SAMD4B: variants seen among roughly 807,000 people sequenced by gnomAD.
SAMD4B encodes sterile alpha motif domain containing 4B.
In SAMD4B, 5 loss-of-function variants were observed where a neutral mutation model predicts 74.5. The observed-to-expected ratio is 0.07, with a 90% CI of 0.04 to 0.14. The LOEUF (loss-of-function observed/expected upper bound fraction) is 0.14. Among genes scored for constraint, SAMD4B ranks in the 10% least tolerant of loss-of-function variants. The pLI, the probability that SAMD4B is intolerant of heterozygous loss-of-function variation, is 1.00. For synonymous variants in SAMD4B, 373 were observed against 374.9 expected, an observed-to-expected ratio of 1.00 and a Z score of 0.06; for missense variants, 608 against 921.8, an observed-to-expected ratio of 0.66 and a Z score of 4.41.
intron 4 of SAMD4B, among the ~76,000 whole-genome samples, chr19:39,371,959 C>T (rs1216558215): frequency 6.6e-6 from 1 of 152,112 alleles, no homozygotes; most frequent in Non-Finnish European, 1.5e-5. Context: ...GCTACACTAC[C>T]TCCACCAAAA....
chr19:39,347,826 C>T (rs568132564), intron 1 of SAMD4B, among the ~76,000 whole-genome samples: 4 of 152,306 alleles, frequency 2.6e-5, no homozygotes, highest in Non-Finnish European at 4.4e-5. Context: ...CTCCAGCCTG[C>T]ACTCATTCAT....
rs1388549678 is a variant in SAMD4B at position 39,383,073 on chromosome 19, C to A, written c.1973-135C>A. 20 of 734,152 alleles carry A rather than the reference C, an allele frequency of 2.7e-5. No homozygotes were observed. The highest frequency in any genetic ancestry group is 5.0e-5 in the Non-Finnish European group (20 of 402,494). 45.5% of individuals were successfully genotyped at this position (734,152 alleles called of 1,614,324 possible). ...TGACACGCTCGCCTCTCTCCCTGTC[C>A]ACCTCCTCCCGTTCTTCCCTCTCCC... On this transcript the variant is annotated intron_variant, in intron 12 of 13. Transcript: ENST00000610417. The surrounding 1 kb of genome is among the most constrained non-coding windows in gnomAD (Gnocchi z 4.1).
chr19:39,386,578 A>G, downstream of SAMD4B: 2 of 1,613,938 alleles, frequency 1.2e-6, no homozygotes, highest in Non-Finnish European at 1.7e-6. This position sits in a 1 kb window ranked among gnomAD's most constrained non-coding sequence, Gnocchi z 6.1. Flanking sequence ...GCCTCCTGGA[A>G]GCAGCAAGAT....
intron 3 of SAMD4B, among the ~76,000 whole-genome samples, chr19:39,362,047 C>T (rs1050003324): frequency 4.6e-5 from 7 of 152,150 alleles, no homozygotes; most frequent in Non-Finnish European, 8.8e-5. Context: ...CATGTCCCAC[C>T]GAACCAACCT....
At chr19:39,365,154 G>C (rs2076882793) in intron 3 of SAMD4B, among the ~76,000 whole-genome samples, 2 of 151,510 alleles carry the variant, frequency 1.3e-5, no homozygotes, top group Admixed American at 1.3e-4. Flanking sequence ...GCTGAGGCAG[G>C]AGAATGGTGT....
chr19:39,372,570 C>T lies in SAMD4B; in HGVS notation c.667+2445C>T, dbSNP rs534802174. On this transcript the variant is annotated intron_variant, in intron 4 of 13. Coordinates refer to ENST00000610417, the MANE Select transcript of SAMD4B (RefSeq NM_001384574.2). ...CAGGCAGCTTGGGTTTGGGGTGCTG[C>T]CAAGAACAGATCAGGATTTCTTGGA... 9.9e-5 allele frequency among the ~76,000 whole-genome samples: 15 copies of T among 152,180 alleles called. No individual in the cohort carries two copies. The South Asian group carries it at 2.9e-3, about 29-fold the overall frequency.
chr19:39,387,147 C>T (rs1390953426), downstream of SAMD4B: 2 of 434,072 alleles, frequency 4.6e-6, no homozygotes, highest in Admixed American at 2.9e-5. Flanking sequence ...CATAGTATAG[C>T]CTACTACATA....
At chr19:39,373,467 G>C (rs546487952) in intron 4 of SAMD4B, among the ~76,000 whole-genome samples, 2 of 109,960 alleles carry the variant, frequency 1.8e-5, no homozygotes, top group African/African-American at 1.4e-4. Flanking sequence ...GGCTAGTGAG[G>C]AGGGCAGCAA....
rs143881112 is a variant in SAMD4B, at chr19:39,369,899, G to A, written c.441G>A (p.Leu147=). Residue 147 remains leucine, a synonymous_variant, in exon 4 of 14, where the codon CTG becomes CTA. Transcript: ENST00000610417. ...LEDRNALALW[L]SHLEERLASG... Reference sequence around the variant, plus strand: ...ACCGCAACGCACTGGCCCTCTGGCTGAGCCACCTGGAAGAGCGGTTGGCTA... The same window carrying A: ...ACCGCAACGCACTGGCCCTCTGGCTAAGCCACCTGGAAGAGCGGTTGGCTA... 63 of 1,614,246 alleles carry A rather than the reference G, an allele frequency of 3.9e-5. No homozygotes were observed. Among genetic ancestry groups the A allele is most frequent in the Admixed American group, 1.7e-4 (10 of 60,034 alleles).
chr19:39,376,600 C>T (rs1001726745), intron 6 of SAMD4B, 54 bp downstream of exon 6: 4 of 1,582,610 alleles, frequency 2.5e-6, no homozygotes, highest in South Asian at 1.1e-5. Context: ...AGTTTGGCAT[C>T]CTTGCAGCCC....
downstream of SAMD4B, chr19:39,385,965 T>C (rs1453755919): frequency 6.2e-7 from 1 of 1,611,972 alleles, no homozygotes; most frequent in African/African-American, 1.3e-5. Flanking sequence ...TAATGGTGTC[T>C]GAACCAGCCC....
chr19:39,378,595 G>T lies in SAMD4B; in HGVS notation c.1530+6G>T, dbSNP rs755156831. On this transcript the variant is annotated splice_donor_region_variant and intron_variant, in intron 9 of 13. Coordinates refer to ENST00000610417, the MANE Select transcript of SAMD4B (RefSeq NM_001384574.2). This position sits in a 1 kb window ranked among gnomAD's most constrained non-coding sequence, Gnocchi z 4.4. Reference sequence around the variant, plus strand: ...AAAAGTGCCTGACTCATGAGGTAAGGCCTTCCCTAGCATACTCAAAAAGGG... The same window carrying T: ...AAAAGTGCCTGACTCATGAGGTAAGTCCTTCCCTAGCATACTCAAAAAGGG... 2 of 1,613,184 alleles carry T rather than the reference G, an allele frequency of 1.2e-6. No individual in the cohort carries two copies. Among genetic ancestry groups the T allele is most frequent in the Non-Finnish European group, 1.7e-6 (2 of 1,179,304 alleles).
intron 3 of SAMD4B, among the ~76,000 whole-genome samples, chr19:39,364,827 A>G (rs1187170738): frequency 6.6e-6 from 1 of 152,218 alleles, no homozygotes; most frequent in Non-Finnish European, 1.5e-5. Context: ...AGTCGGTTCA[A>G]GTGAAGACAG....
Position 39,375,783 on chromosome 19 carries a change from C to T in SAMD4B, c.801C>T (p.His267=), listed in dbSNP as rs375237719. The change falls in exon 5 of 14, where the codon CAC becomes CAT. Residue 267 remains histidine, a synonymous_variant. Transcript: ENST00000610417. The surrounding 1 kb of genome is among the most constrained non-coding windows in gnomAD (Gnocchi z 4.1). Reference sequence around the variant, plus strand: ...GGGCTGCTTTTACCACGCCCGATCACGCACCTCTCTCGCCCCAGAGCAGCG... The same window carrying T: ...GGGCTGCTTTTACCACGCCCGATCATGCACCTCTCTCGCCCCAGAGCAGCG... ...GARAAFTTPD[H]APLSPQSSVA... 9.9e-5 allele frequency: 159 copies of T among 1,614,036 alleles called. No homozygotes were observed. The highest frequency in any genetic ancestry group is 1.2e-4 in the Non-Finnish European group (146 of 1,180,040).
intron 1 of SAMD4B, among the ~76,000 whole-genome samples, chr19:39,343,871 G>A (rs1346318860): frequency 2.6e-5 from 4 of 151,178 alleles, no homozygotes; most frequent in Non-Finnish European, 4.4e-5. Flanking sequence ...TAACACCTCA[G>A]AATCCCCCCT....
intron 3 of SAMD4B, among the ~76,000 whole-genome samples, chr19:39,364,213 G>T (rs1016826622): frequency 6.6e-6 from 1 of 152,240 alleles, no homozygotes; most frequent in Non-Finnish European, 1.5e-5. Flanking sequence ...GTGTCCCTTA[G>T]CCCTGGGGTC....
Position 39,375,725 on chromosome 19 carries a change from G to T in SAMD4B, c.743G>T (p.Gly248Val). The part of the protein sequence containing the change: ...SLIPTSPQVP[G>V]EWPSPEELGA... The stretch of plus-strand genomic sequence containing the variant: ...ATCCCTACAAGCCCCCAGGTCCCTG[G>T]TGAGTGGCCGAGTCCAGAGGAGCTT... Residue 248 changes from glycine to valine, a missense_variant, in exon 5 of 14, where the codon GGT becomes GTT. Coordinates refer to ENST00000610417, the MANE Select transcript of SAMD4B (RefSeq NM_001384574.2). The surrounding 1 kb of genome is among the most constrained non-coding windows in gnomAD (Gnocchi z 4.1). The T allele has an allele frequency of 6.2e-7, 1 of 1,614,166 alleles. No individual in the cohort carries two copies. Among genetic ancestry groups the T allele is most frequent in the Non-Finnish European group, 8.5e-7 (1 of 1,180,020 alleles).
intron 1 of SAMD4B, among the ~76,000 whole-genome samples, chr19:39,345,879 T>TC (rs1397287991): frequency 6.6e-6 from 1 of 152,134 alleles, no homozygotes; most frequent in Admixed American, 6.6e-5. Context: ...CCCTTTTTTT[T>TC]CTCCACACAG....
At chr19:39,342,913 C>T (rs1600501214) in intron 1 of SAMD4B, among the ~76,000 whole-genome samples, 2 of 151,174 alleles carry the variant, frequency 1.3e-5, no homozygotes, top group African/African-American at 4.9e-5. Context: ...GCCGATCCCC[C>T]GTGTGCGCCC....
Sources: gnomAD v4.1 joint callset for allele counts (sites outside exome capture counted in the v4.1 genomes callset) on GRCh38, gnomAD v4.1.1 for gene constraint, Gnocchi (gnomAD v3.1) non-coding constraint, MANE v1.5 for transcripts, NCBI Gene and HGNC (gene_info 2026-07-23, HGNC 2026-07-21) for gene names.